OLAH: variants seen among roughly 807,000 people sequenced by gnomAD.
The protein encoded by OLAH is S-acyl fatty acid synthase thioesterase, medium chain.
A neutral mutation model predicts 27.8 loss-of-function variants in OLAH; 33 were observed. The observed-to-expected ratio is 1.19, with a 90% confidence interval of 0.90 to 1.59. The LOEUF (loss-of-function observed/expected upper bound fraction) is 1.59, where lower values mean the gene tolerates loss of function less well. Among genes scored for constraint, OLAH ranks in the 40% most tolerant of loss-of-function variants. The probability of loss-of-function intolerance (pLI) is 0.00; values close to 1 mark genes in which losing one functional copy is unlikely to be tolerated. For missense variants in OLAH, 359 were observed against 310.8 expected, an observed-to-expected ratio of 1.16 and a Z score of -1.17; for synonymous variants, 120 against 102.9, an observed-to-expected ratio of 1.17 and a Z score of -1.01.
At chr10:15,034,605 G>A (rs1286896739) in intron 1 of OLAH, among the ~76,000 whole-genome samples, 1 of 152,182 alleles carries the variant, frequency 6.6e-6, no homozygotes. Context: ...TGCAGGGTGA[G>A]CTGAGGCTGG....
At position 15,065,697 on chromosome 10, in the gene OLAH, T is replaced by A. The variant is rs1449949933; in HGVS notation, c.516T>A (p.Phe172Leu). 3 of 1,614,200 alleles carry A rather than the reference T, an allele frequency of 1.9e-6. No individual in the cohort carries two copies. In the South Asian group the frequency reaches 3.3e-5, roughly 18 times the overall value. ...AGCATTTTGCTGAAGCCAAGGAATT[T>A]GTGAAACAATGTAGTCCCATCATAA... Reference protein sequence around the residue: ...TPKHFAEAKEFVKQCSPIIRA... With the variant: ...TPKHFAEAKELVKQCSPIIRA... Residue 172 changes from phenylalanine (F) to leucine (L), a missense_variant, in exon 6 of 8, where the codon TTT becomes TTA. Phe to Leu is a conservative substitution (Grantham distance 22, BLOSUM62 0). Transcript: ENST00000378228.
At chr10:15,041,294 T>C (rs2131331713), upstream of OLAH, among the ~76,000 whole-genome samples, 1 of 151,716 alleles carries the variant, frequency 6.6e-6, no homozygotes, top group East Asian at 1.9e-4. Flanking sequence ...TTATTTTTTT[T>C]GAGACAGAGT....
chr10:15,040,056 A>C (rs1453768144), upstream of OLAH, among the ~76,000 whole-genome samples: 2 of 152,024 alleles, frequency 1.3e-5, no homozygotes, highest in African/African-American at 4.8e-5. Flanking sequence ...CAGCCATCAC[A>C]CACTTTCCCC....
At chr10:15,068,982 G>C (rs1844525547) in intron 6 of OLAH, among the ~76,000 whole-genome samples, 1 of 152,074 alleles carries the variant, frequency 6.6e-6, no homozygotes. Flanking sequence ...CCCTACCCTT[G>C]GCGTTCAATG....
At position 15,073,414 on chromosome 10, in the gene OLAH, A is replaced by C. The variant is rs1437273883; in HGVS notation, c.*185A>C. 5.9e-6 allele frequency: 3 copies of C among 509,442 alleles called. No individual in the cohort carries two copies. Among genetic ancestry groups the C allele is most frequent in the African/African-American group, 2.0e-5 (1 of 50,094 alleles). 31.6% of individuals were successfully genotyped at this position (509,442 alleles called of 1,614,324 possible). ...GCCAGTAAAGAATACTTCTGGCAGC[A>C]CTTTGGGAGGCCAAGGCGGGCGGAT... On this transcript the variant is annotated 3_prime_UTR_variant, in exon 8 of 8. Coordinates refer to ENST00000378228, the MANE Select transcript of OLAH (RefSeq NM_001039702.3).
At chr10:15,054,409 GCCCCT>G (rs1844206214) in intron 3 of OLAH, among the ~76,000 whole-genome samples, 1 of 152,138 alleles carries the variant, frequency 6.6e-6, no homozygotes, top group African/African-American at 2.4e-5. Context: ...TCTGCCTTAT[GCCCCT>G]TGGTCAAATT....
intron 3 of OLAH, among the ~76,000 whole-genome samples, chr10:15,053,061 AT>A (rs1293153510): frequency 6.6e-6 from 1 of 152,058 alleles, no homozygotes; most frequent in Non-Finnish European, 1.5e-5. Context: ...AAATTCTAAC[AT>A]TTTAATGCAA....
intron 1 of OLAH, among the ~76,000 whole-genome samples, chr10:15,035,529 G>A (rs571876901): frequency 1.8e-4 from 27 of 152,154 alleles, no homozygotes; most frequent in African/African-American, 6.0e-4. Flanking sequence ...TCGAAGGACC[G>A]GATCTCATGA....
chr10:15,049,396 T>C (rs1844088093), intron 2 of OLAH, among the ~76,000 whole-genome samples: 1 of 152,044 alleles, frequency 6.6e-6, no homozygotes, highest in Non-Finnish European at 1.5e-5. Flanking sequence ...GCCTCCCAAA[T>C]TGCTAGGATT....
chr10:15,070,423 T>G (rs1844560774), intron 6 of OLAH, among the ~76,000 whole-genome samples: 2 of 152,198 alleles, frequency 1.3e-5, no homozygotes, highest in African/African-American at 4.8e-5. Flanking sequence ...TCTTATACCT[T>G]AATTTGTCCC....
At chr10:15,054,874 T>C (rs1170636952) in intron 3 of OLAH, among the ~76,000 whole-genome samples, 1 of 152,246 alleles carries the variant, frequency 6.6e-6, no homozygotes, top group Admixed American at 6.5e-5. Context: ...TTCTGAGTTA[T>C]AGTGTTCTTT....
chr10:15,057,199 A>T (rs376090476), intron 3 of OLAH, among the ~76,000 whole-genome samples: 3 of 152,106 alleles, frequency 2.0e-5, no homozygotes, highest in Non-Finnish European at 2.9e-5. Context: ...TCTTCTATCA[A>T]TTCTAAAGTA....
intron 3 of OLAH, among the ~76,000 whole-genome samples, chr10:15,050,232 A>T (rs1844108295): frequency 6.6e-6 from 1 of 152,204 alleles, no homozygotes; most frequent in Non-Finnish European, 1.5e-5. Flanking sequence ...AGTCTGGGCA[A>T]CACAGTGAGA....
chr10:15,063,111 G>A (rs1314832542), intron 4 of OLAH, among the ~76,000 whole-genome samples: 8 of 152,086 alleles, frequency 5.3e-5, no homozygotes, highest in Non-Finnish European at 1.2e-4. Context: ...CAGAATTTAT[G>A]TTAAACAATA....
chr10:15,046,183 T>G (rs1844013193), intron 1 of OLAH, among the ~76,000 whole-genome samples: 1 of 151,618 alleles, frequency 6.6e-6, no homozygotes, highest in Non-Finnish European at 1.5e-5. Context: ...CTGTCTTTAC[T>G]AAAAATACAA....
At position 15,071,812 on chromosome 10, in the gene OLAH, A is replaced by C; in HGVS notation, c.590A>C (p.Lys197Thr). 6.2e-7 allele frequency: 1 copy of C among 1,613,146 alleles called. No individual in the cohort carries two copies. Among genetic ancestry groups the C allele is most frequent in the Non-Finnish European group, 8.5e-7 (1 of 1,179,052 alleles). Residue 197 changes from lysine (K) to threonine (T), a missense_variant, in exon 7 of 8, where the codon AAG becomes ACG. Coordinates refer to ENST00000378228, the MANE Select transcript of OLAH (RefSeq NM_001039702.3). Reference protein sequence around the residue: ...VRSCTSNVPSKAVLSCDLTCF... With the variant: ...VRSCTSNVPSTAVLSCDLTCF... ...GTTTATAGCTCTAACGTACCATCTA[A>C]GGCTGTTCTTTCCTGTGACTTGACA...
At chr10:15,042,975 C>T (rs1843947609), upstream of OLAH, among the ~76,000 whole-genome samples, 1 of 149,322 alleles carries the variant, frequency 6.7e-6, no homozygotes, top group South Asian at 2.1e-4. Flanking sequence ...ATTCTCCTGG[C>T]TCAGCCTCCC....
At chr10:15,071,263 A>G (rs1844580911) in intron 6 of OLAH, among the ~76,000 whole-genome samples, 2 of 151,748 alleles carry the variant, frequency 1.3e-5, no homozygotes, top group African/African-American at 4.8e-5. Context: ...ACTTGATAGC[A>G]CCTTCCATCT....
chr10:15,051,544 A>G (rs959693188), intron 3 of OLAH, among the ~76,000 whole-genome samples: 19 of 152,314 alleles, frequency 1.2e-4, no homozygotes, highest in African/African-American at 4.6e-4. Context: ...GCAATTTTTG[A>G]AGATTTTTCT....
Sources: gnomAD v4.1 joint callset for allele counts (sites outside exome capture counted in the v4.1 genomes callset) on GRCh38, gnomAD v4.1.1 for gene constraint, MANE v1.5 for transcripts, NCBI Gene and HGNC (gene_info 2026-07-23, HGNC 2026-07-21) for gene names.